The following SPOCK1 variants were observed in gnomAD, a reference collection of about 807,000 sequenced individuals.
SPOCK1 encodes the protein SPARC (osteonectin), cwcv and kazal like domains proteoglycan 1.
SPOCK1 carries 23 observed loss-of-function variants against 55.3 expected under a neutral mutation model. That is an observed-to-expected ratio of 0.42 (90% CI 0.30 to 0.59). SPOCK1 has a LOEUF of 0.59. Ranked by LOEUF, SPOCK1 falls within the 20% of genes least tolerant of loss-of-function variation. The pLI is 0.22. For missense variants in SPOCK1, 499 were observed against 552.5 expected (o/e 0.90, Z 0.97); for synonymous variants, 226 against 221.0 (o/e 1.02, Z -0.20).
intron 2 of SPOCK1, among the ~76,000 whole-genome samples, chr5:137,391,334 A>G (rs1395136060): frequency 1.3e-5 from 2 of 152,002 alleles, no homozygotes; most frequent in Non-Finnish European, 2.9e-5. Flanking sequence ...AAGTTTTGCT[A>G]TTGTGAATAG....
chr5:137,118,961 T>C (rs1019562266), intron 4 of SPOCK1, among the ~76,000 whole-genome samples: 1 of 152,200 alleles, frequency 6.6e-6, no homozygotes, highest in African/African-American at 2.4e-5. Flanking sequence ...CCTGAACGCA[T>C]CTCCCTGATT....
At chr5:137,344,127 C>G (rs1166296717) in intron 2 of SPOCK1, among the ~76,000 whole-genome samples, 1 of 152,218 alleles carries the variant, frequency 6.6e-6, no homozygotes, top group Non-Finnish European at 1.5e-5. Context: ...CAAAGAGATT[C>G]TGGGAGAAAA....
intron 3 of SPOCK1, among the ~76,000 whole-genome samples, chr5:137,160,616 T>TATATAATATATA (rs1561631823): frequency 5.1e-5 from 3 of 58,980 alleles, no homozygotes; most frequent in African/African-American, 2.6e-4. Context: ...TAATATATAA[T>TATATAATATATA]ATATATTTTA....
intron 4 of SPOCK1, among the ~76,000 whole-genome samples, chr5:137,135,356 C>T (rs1753961458): frequency 6.6e-6 from 1 of 152,216 alleles, no homozygotes; most frequent in African/African-American, 2.4e-5. Context: ...CAGAACCAGC[C>T]ATGCAGACTA....
At chr5:137,084,428 C>T (rs549298934) in intron 5 of SPOCK1, among the ~76,000 whole-genome samples, 59 of 152,100 alleles carry the variant, frequency 3.9e-4, no homozygotes, top group Admixed American at 5.9e-4. Flanking sequence ...CTTTCTTCTC[C>T]CCTGCCAGAC....
At chr5:137,413,676 G>A (rs1752257566) in intron 2 of SPOCK1, among the ~76,000 whole-genome samples, 1 of 152,160 alleles carries the variant, frequency 6.6e-6, no homozygotes, top group African/African-American at 2.4e-5. Context: ...GGAGGGAGCA[G>A]TACCATGCCC....
intron 2 of SPOCK1, among the ~76,000 whole-genome samples, chr5:137,284,201 C>T (rs924548993): frequency 1.3e-5 from 2 of 152,190 alleles, no homozygotes; most frequent in African/African-American, 4.8e-5. Context: ...TTCTGTCCAA[C>T]TGCTCCTTCT....
rs147175189 is a variant in SPOCK1, at chr5:137,427,267, T to G, written c.186+71106A>C. 2.1e-3 allele frequency among the ~76,000 whole-genome samples: 318 copies of G among 152,288 alleles called. 1 individual carries two copies. Among genetic ancestry groups the G allele is most frequent in the African/African-American group, 7.1e-3 (296 of 41,558 alleles). ...AGTATTATCTTTACTAAAAGCACTG[T>G]GTTCACTGCTGAAGTGGAGAGAAGC... is the stretch of plus-strand genomic sequence containing the variant. On this transcript the variant is annotated intron_variant, in intron 2 of 10. Transcript: ENST00000394945.
intron 3 of SPOCK1, among the ~76,000 whole-genome samples, chr5:137,222,195 G>A (rs1290104001): frequency 2.6e-5 from 4 of 152,158 alleles, no homozygotes; most frequent in Non-Finnish European, 5.9e-5. Flanking sequence ...CAGGCTGCCT[G>A]GGCAAATCCA....
intron 3 of SPOCK1, among the ~76,000 whole-genome samples, chr5:137,165,259 G>A (rs1285015109): frequency 6.6e-6 from 1 of 152,224 alleles, no homozygotes; most frequent in Non-Finnish European, 1.5e-5. Flanking sequence ...AGCAAGGAAA[G>A]AGACCAAGAG....
At chr5:137,195,442 A>G (rs1474355078) in intron 3 of SPOCK1, among the ~76,000 whole-genome samples, 1 of 152,208 alleles carries the variant, frequency 6.6e-6, no homozygotes, top group African/African-American at 2.4e-5. Flanking sequence ...TTTTTTGAAG[A>G]TATCTTAACA....
intron 2 of SPOCK1, among the ~76,000 whole-genome samples, chr5:137,466,717 G>T (rs2149838681): frequency 2.0e-5 from 3 of 152,344 alleles, no homozygotes; most frequent in Middle Eastern, 6.8e-3. Flanking sequence ...GACCTTGCCT[G>T]TATTAAGTTC....
At chr5:137,424,734 C>A (rs1351050480) in intron 2 of SPOCK1, among the ~76,000 whole-genome samples, 1 of 152,114 alleles carries the variant, frequency 6.6e-6, no homozygotes, top group East Asian at 1.9e-4. Context: ...GGGAAAGAAG[C>A]CAGACACTAA....
chr5:137,016,180 C>T (rs1323859735), intron 6 of SPOCK1, among the ~76,000 whole-genome samples: 1 of 152,190 alleles, frequency 6.6e-6, no homozygotes, highest in Admixed American at 6.5e-5. Context: ...ACGTTCCTAC[C>T]TCTGGACCTT....
chr5:137,329,251 G>A (rs1017568136), intron 2 of SPOCK1, among the ~76,000 whole-genome samples: 6 of 151,886 alleles, frequency 4.0e-5, no homozygotes, highest in Admixed American at 3.9e-4. Context: ...GCTCTTTTTG[G>A]GCCTTGAGCC....
intron 4 of SPOCK1, among the ~76,000 whole-genome samples, chr5:137,137,139 G>A (rs1284682926): frequency 2.0e-5 from 3 of 152,160 alleles, no homozygotes; most frequent in African/African-American, 7.2e-5. Context: ...TGATCTGCTT[G>A]CAAAGATAGC....
intron 5 of SPOCK1, among the ~76,000 whole-genome samples, chr5:137,070,766 G>C (rs1483169179): frequency 6.6e-6 from 1 of 152,018 alleles, no homozygotes; most frequent in Non-Finnish European, 1.5e-5. Flanking sequence ...CATGACTGTG[G>C]GCCCTGTGGA....
chr5:137,469,377 T>C (rs917834771), intron 2 of SPOCK1, among the ~76,000 whole-genome samples: 14 of 152,322 alleles, frequency 9.2e-5, no homozygotes, highest in South Asian at 4.1e-4. Flanking sequence ...AACAGCTTTT[T>C]AGCAGTTAAG....
At chr5:136,996,234 C>T (rs1471997267) in intron 6 of SPOCK1, among the ~76,000 whole-genome samples, 1 of 152,120 alleles carries the variant, frequency 6.6e-6, no homozygotes, top group East Asian at 1.9e-4. Flanking sequence ...AAGTAATGTT[C>T]GTGGGGTGAA....
Sources: gnomAD v4.1 joint callset for allele counts (sites outside exome capture counted in the v4.1 genomes callset) on GRCh38, gnomAD v4.1.1 for gene constraint, MANE v1.5 for transcripts, NCBI Gene and HGNC (gene_info 2026-07-23, HGNC 2026-07-21) for gene names.